The following EIF5B variants were observed in gnomAD, a reference collection of about 807,000 sequenced individuals.
EIF5B encodes eukaryotic translation initiation factor 5B.
A neutral mutation model predicts 147.5 loss-of-function variants in EIF5B; 47 were observed. The ratio of observed to expected loss-of-function variants is 0.32; its 90% CI spans 0.25 to 0.41. EIF5B has a LOEUF of 0.41. EIF5B is among the 10% of genes least tolerant of loss of function. The probability of loss-of-function intolerance (pLI) is 1.00; values close to 1 mark genes in which losing one functional copy is unlikely to be tolerated. For synonymous variants in EIF5B, 455 were observed against 456.2 expected, an observed-to-expected ratio of 1.00 and a Z score of 0.03; for missense variants, 1,064 against 1,413.2, an observed-to-expected ratio of 0.75 and a Z score of 3.96.
chr2:99,399,464 T>TGGA lies in EIF5B; in HGVS notation c.*50_*51insGGA. The TGGA allele has an allele frequency of 6.5e-7, 1 of 1,543,062 alleles. No homozygotes were observed. Among genetic ancestry groups the TGGA allele is most frequent in the Non-Finnish European group, 8.9e-7 (1 of 1,119,684 alleles). ...GAGTAAATGCAATACTGTGTTGTAATATCCCAACAAAAATCAGACAAAAAA... is the reference window on the plus strand; with the variant it reads ...GAGTAAATGCAATACTGTGTTGTAATGGAATCCCAACAAAAATCAGACAAAAAA... On this transcript the variant is annotated 3_prime_UTR_variant, in exon 24 of 24. Transcript: ENST00000289371.
At chr2:99,374,070 C>G (rs532029506) in intron 9 of EIF5B, among the ~76,000 whole-genome samples, 2,186 of 152,262 alleles carry the variant, frequency 0.014, 22 homozygotes, top group Middle Eastern at 0.027. Flanking sequence ...GGGCGGATCA[C>G]TTGAGATCAG....
intron 17 of EIF5B, among the ~76,000 whole-genome samples, chr2:99,391,453 A>G (rs973350382): frequency 9.9e-5 from 15 of 152,198 alleles, no homozygotes; most frequent in Admixed American, 4.6e-4. Flanking sequence ...CACAACATAG[A>G]AGAAAAGTTT....
intron 7 of EIF5B, 41 bp downstream of exon 7, chr2:99,368,632 T>C (rs745368894): frequency 6.8e-7 from 1 of 1,472,368 alleles, no homozygotes; most frequent in Non-Finnish European, 9.4e-7. Flanking sequence ...AAATATGTTG[T>C]TTGCCTTTCC....
intron 1 of EIF5B, among the ~76,000 whole-genome samples, chr2:99,341,753 CTT>C (rs1438351169): frequency 6.6e-6 from 1 of 152,164 alleles, no homozygotes; most frequent in African/African-American, 2.4e-5. Flanking sequence ...TAAAAATAAA[CTT>C]ACACTATGAT....
chr2:99,353,099 C>A (rs1343933731), intron 1 of EIF5B, among the ~76,000 whole-genome samples: 1 of 147,304 alleles, frequency 6.8e-6, no homozygotes, highest in Non-Finnish European at 1.5e-5. Flanking sequence ...ACTGCATCCT[C>A]CACCTCCTGG....
intron 14 of EIF5B, among the ~76,000 whole-genome samples, chr2:99,387,909 G>A (rs1382838121): frequency 1.1e-4 from 16 of 152,146 alleles, no homozygotes. Context: ...CTGGGCTGAA[G>A]CAATCTGCCC....
rs1352554201 is a variant in EIF5B at position 99,394,869 on chromosome 2, A to G, written c.3240A>G (p.Lys1080=). The G allele has an allele frequency of 3.2e-6, 5 of 1,575,278 alleles. No individual in the cohort carries two copies. Among genetic ancestry groups the G allele is most frequent in the Non-Finnish European group, 3.5e-6 (4 of 1,159,294 alleles). Residue 1080 remains lysine (K), a synonymous_variant, in exon 21 of 24, where the codon AAA becomes AAG. Coordinates refer to ENST00000289371, the MANE Select transcript of EIF5B (RefSeq NM_015904.4). ...TKYRQDYKKQ[K]QEEFKHIAVF... ...ATAGACAAGACTACAAGAAACAGAA[A>G]CAAGAAGAATTTAAGTAAGTTACTG...
chr2:99,356,415 G>C (rs541550817), intron 1 of EIF5B, among the ~76,000 whole-genome samples: 1 of 152,058 alleles, frequency 6.6e-6, no homozygotes, highest in Non-Finnish European at 1.5e-5. Flanking sequence ...TTCTGCACAC[G>C]TTTGTCTCTT....
chr2:99,396,738 T>C, intron 21 of EIF5B, 22 bp from the exon 22 acceptor site: 2 of 1,579,050 alleles, frequency 1.3e-6, no homozygotes, highest in South Asian at 2.4e-5. Flanking sequence ...AAGCTTAAAA[T>C]TCTTTTCTTT....
intron 22 of EIF5B, chr2:99,397,131 T>TA: frequency 2.7e-6 from 1 of 366,310 alleles, no homozygotes. Flanking sequence ...TATTGGTAAA[T>TA]ATCAGTGCTC....
chr2:99,396,652 G>T, intron 21 of EIF5B, 108 bp from the exon 22 acceptor site: 1 of 1,396,646 alleles, frequency 7.2e-7, no homozygotes. Flanking sequence ...TGGCCGCTGG[G>T]GAAAGCTGCT....
chr2:99,385,013 A>G, intron 14 of EIF5B, among the ~76,000 whole-genome samples: 1 of 152,216 alleles, frequency 6.6e-6, no homozygotes, highest in East Asian at 1.9e-4. Context: ...TATTCTGGGT[A>G]GAATGCTCTA....
chr2:99,387,426 T>C (rs1195743907), intron 14 of EIF5B, among the ~76,000 whole-genome samples: 2 of 152,166 alleles, frequency 1.3e-5, no homozygotes, highest in African/African-American at 2.4e-5. Flanking sequence ...AATTATTTTT[T>C]TCCCCATGGA....
Position 99,382,246 on chromosome 2 carries a change from T to TG in EIF5B, c.2129+20_2129+21insG. 1 of 1,606,180 alleles carries TG rather than the reference T, an allele frequency of 6.2e-7. No homozygotes were observed. Among genetic ancestry groups the TG allele is most frequent in the South Asian group, 1.1e-5 (1 of 90,694 alleles). On this transcript the variant is annotated intron_variant, in intron 13 of 23. Coordinates refer to ENST00000289371, the MANE Select transcript of EIF5B (RefSeq NM_015904.4). The stretch of plus-strand genomic sequence containing the variant: ...TTTCAGGTAAGAGCAATTTGAGTCT[T>TG]TTCTCATCAAGCAATCTACTTGAAA...
Position 99,392,951 on chromosome 2 carries a change from G to GT in EIF5B, c.2749-11dup. 7.0e-7 allele frequency: 1 copy of GT among 1,438,696 alleles called. No homozygotes were observed. Among genetic ancestry groups the GT allele is most frequent in the African/African-American group, 1.5e-5 (1 of 68,570 alleles). The allele number at this position is 1,438,696 out of a possible 1,614,324, so 89.1% of individuals were successfully genotyped here. A position where few individuals can be genotyped will look rare whatever the true frequency, so the allele number is the denominator to read the frequency against. On this transcript the variant is annotated splice_polypyrimidine_tract_variant and intron_variant, in intron 17 of 23. Coordinates refer to ENST00000289371, the MANE Select transcript of EIF5B (RefSeq NM_015904.4). ...TTTTAAAGTACATTTGGTAACAAAT[G>GT]TTTTTATCTCTGTAGAACCAGTATG...
At chr2:99,344,606 T>C (rs2094268549) in intron 1 of EIF5B, among the ~76,000 whole-genome samples, 1 of 152,156 alleles carries the variant, frequency 6.6e-6, no homozygotes, top group Non-Finnish European at 1.5e-5. Flanking sequence ...CCGGCTAATA[T>C]TTGTGTTTCT....
At chr2:99,364,522 TC>T (rs1236434113) in intron 6 of EIF5B, 101 bp downstream of exon 6, 3 of 1,167,510 alleles carry the variant, frequency 2.6e-6, no homozygotes, top group Non-Finnish European at 3.5e-6. Context: ...TCAGGACAGT[TC>T]CTATGAAAAA....
Position 99,398,838 on chromosome 2 carries a change from G to A in EIF5B, c.3484G>A (p.Glu1162Lys). 3 of 1,614,160 alleles carry A rather than the reference G, an allele frequency of 1.9e-6. No individual in the cohort carries two copies. The highest frequency in any genetic ancestry group is 2.5e-6 in the Non-Finnish European group (3 of 1,180,010). ...KKGQEVCVKIEPIPGESPKMF... is the reference protein window; with the variant it reads ...KKGQEVCVKIKPIPGESPKMF... ...AGGACAAGAAGTTTGTGTAAAAATA[G>A]AACCTATCCCTGGTGAGTCACCCAA... is the stretch of plus-strand genomic sequence containing the variant. The change falls in exon 23 of 24, where the codon GAA (glutamate) becomes AAA (lysine). Residue 1162 changes from glutamate (E) to lysine (K), a missense_variant. Coordinates refer to ENST00000289371, the MANE Select transcript of EIF5B (RefSeq NM_015904.4).
rs189470033 is a variant in EIF5B, at chr2:99,399,216, T to C, written c.3556-91T>C. 9.8e-5 allele frequency: 120 copies of C among 1,226,652 alleles called. No individual in the cohort carries two copies. In the African/African-American group the frequency reaches 1.5e-3, roughly 16 times the overall value. 76.0% of individuals were successfully genotyped at this position (1,226,652 alleles called of 1,614,324 possible). ...GTTTTTTATTTCTGCTTAAGCTTTTTAGTACAGTGAGAGCGGGCATCTGGG... is the reference window on the plus strand; with the variant it reads ...GTTTTTTATTTCTGCTTAAGCTTTTCAGTACAGTGAGAGCGGGCATCTGGG... On this transcript the variant is annotated intron_variant, in intron 23 of 23. Coordinates refer to ENST00000289371, the MANE Select transcript of EIF5B (RefSeq NM_015904.4).
Sources: gnomAD v4.1 joint callset for allele counts (sites outside exome capture counted in the v4.1 genomes callset) on GRCh38, gnomAD v4.1.1 for gene constraint, MANE v1.5 for transcripts, NCBI Gene and HGNC (gene_info 2026-07-23, HGNC 2026-07-21) for gene names.